PDIA6: variants seen among roughly 807,000 people sequenced by gnomAD.
PDIA6 encodes the protein protein disulfide isomerase family A member 6.
A neutral mutation model predicts 58.4 loss-of-function variants in PDIA6; 29 were observed. The ratio of observed to expected loss-of-function variants is 0.50; its 90% CI spans 0.37 to 0.68. PDIA6 has a LOEUF of 0.68. Ranked by LOEUF, PDIA6 falls within the 30% of genes least tolerant of loss-of-function variation. The probability of loss-of-function intolerance (pLI) is 0.00; values close to 1 mark genes in which losing one functional copy is unlikely to be tolerated. For missense variants in PDIA6, 480 were observed against 551.0 expected, an observed-to-expected ratio of 0.87 and a Z score of 1.29; for synonymous variants, 192 against 202.6, an observed-to-expected ratio of 0.95 and a Z score of 0.44.
chr2:10,830,745 C>T (rs1043984558), intron 1 of PDIA6, among the ~76,000 whole-genome samples: 10 of 152,214 alleles, frequency 6.6e-5, no homozygotes, highest in Non-Finnish European at 1.0e-4. Flanking sequence ...TCCAGGCCCT[C>T]GGGTCACCCC....
upstream of PDIA6, among the ~76,000 whole-genome samples, chr2:10,817,582 G>C (rs1667236501): frequency 6.6e-6 from 1 of 152,220 alleles, no homozygotes; most frequent in Non-Finnish European, 1.5e-5. Flanking sequence ...AGCTCCCCCG[G>C]TGGGCGCCCA....
chr2:10,785,470 A>G (rs890203362), intron 11 of PDIA6, among the ~76,000 whole-genome samples: 1 of 152,238 alleles, frequency 6.6e-6, no homozygotes, highest in Non-Finnish European at 1.5e-5. Flanking sequence ...GTGCATAAAC[A>G]TCAGTACTTG....
chr2:10,827,535 A>C (rs1418627313), intron 1 of PDIA6, among the ~76,000 whole-genome samples: 1 of 152,008 alleles, frequency 6.6e-6, no homozygotes, highest in Non-Finnish European at 1.5e-5. Context: ...TTCAGAAGAA[A>C]TATAAGGGCT....
At chr2:10,795,108 T>G (rs1666212132) in intron 4 of PDIA6, among the ~76,000 whole-genome samples, 2 of 152,198 alleles carry the variant, frequency 1.3e-5, no homozygotes, top group Admixed American at 1.3e-4. Context: ...TTCCGTCATC[T>G]GAACCACTGC....
chr2:10,820,146 G>C (rs1173478745), intron 1 of PDIA6, among the ~76,000 whole-genome samples: 1 of 152,218 alleles, frequency 6.6e-6, no homozygotes, highest in East Asian at 1.9e-4. Context: ...GTGGACCCAC[G>C]AAGAGTTAGG....
Position 10,809,645 on chromosome 2 carries a change from C to CAAAAAAAAA in PDIA6, c.19+3024_19+3032dup, listed in dbSNP as rs56308831. ...TGGGAGGCAGAGCAAGACCCGGTCT[C>CAAAAAAAAA]AAAAAAAAAAAAAAAAAAAAAAAAA... On this transcript the variant is annotated intron_variant, in intron 1 of 12. Coordinates refer to ENST00000272227, the MANE Select transcript of PDIA6 (RefSeq NM_005742.4). Among the ~76,000 whole-genome samples, 57 of 64,660 alleles carry CAAAAAAAAA rather than the reference C, an allele frequency of 8.8e-4. 1 individual carries two copies. The highest frequency in any genetic ancestry group is 1.8e-3 in the African/African-American group (35 of 19,316). The allele number at this position is 64,660 out of a possible 152,430, so 42.4% of individuals were successfully genotyped here. A position where few individuals can be genotyped will look rare whatever the true frequency, so the allele number is the denominator to read the frequency against.
rs532391148 is a variant in PDIA6 at position 10,787,577 on chromosome 2, T to A, written c.999-138A>T. 1.4e-5 allele frequency: 12 copies of A among 860,700 alleles called. No homozygotes were observed. The East Asian group carries it at 3.0e-4, about 21-fold the overall frequency. The allele number at this position is 860,700 out of a possible 1,614,324, so 53.3% of individuals were successfully genotyped here. ...AATAAAAACAAAAGATGAGTTTCTA[T>A]ATGGATTTTCCCTTTTTACCTGAAA... On this transcript the variant is annotated intron_variant, in intron 10 of 12. Coordinates refer to ENST00000272227, the MANE Select transcript of PDIA6 (RefSeq NM_005742.4).
At chr2:10,811,746 C>A (rs1291993333) in intron 1 of PDIA6, among the ~76,000 whole-genome samples, 2 of 152,204 alleles carry the variant, frequency 1.3e-5, no homozygotes, top group African/African-American at 4.8e-5. Context: ...CGGCCTCGCC[C>A]ACTAAGAAGC....
chr2:10,832,420 A>T, exon 1 of PDIA6: 1 of 985,276 alleles, frequency 1.0e-6, no homozygotes, highest in Middle Eastern at 5.2e-4. Context: ...ACCTGGTGGG[A>T]TTCTATTAAT....
upstream of PDIA6, chr2:10,837,401 C>A (rs1057273015): frequency 3.6e-4 from 220 of 611,058 alleles, 5 homozygotes; most frequent in South Asian, 4.3e-3. Flanking sequence ...GATTAAAAAA[C>A]ATACGTGAGG....
At chr2:10,828,865 A>G (rs13018915) in intron 1 of PDIA6, among the ~76,000 whole-genome samples, 91,045 of 152,054 alleles carry the variant, frequency 0.6, 27,907 homozygotes, top group East Asian at 0.8. Flanking sequence ...GGCACTCCGG[A>G]AGCCTGGGAT....
chr2:10,819,205 G>T, intron 2 of PDIA6: 1 of 885,438 alleles, frequency 1.1e-6, no homozygotes. Flanking sequence ...GTGGACACTT[G>T]GGTTGTTTTC....
chr2:10,802,429 T>C, intron 2 of PDIA6, 70 bp downstream of exon 2: 2 of 1,027,526 alleles, frequency 1.9e-6, no homozygotes, highest in Non-Finnish European at 2.6e-6. Flanking sequence ...TAAAATCAGA[T>C]TTTTATACAG....
At chr2:10,830,988 G>A (rs1247271553) in intron 1 of PDIA6, among the ~76,000 whole-genome samples, 5 of 152,134 alleles carry the variant, frequency 3.3e-5, no homozygotes, top group Non-Finnish European at 7.4e-5. Context: ...CTCCTGCACC[G>A]GCCCAGCCCC....
intron 1 of PDIA6, among the ~76,000 whole-genome samples, chr2:10,803,130 T>C (rs56140102): frequency 0.14 from 21,712 of 152,242 alleles, 1,987 homozygotes; most frequent in Non-Finnish European, 0.21. Flanking sequence ...TTCCACTAGA[T>C]TGTGACTCTT....
At chr2:10,809,599 T>C (rs796476078) in intron 1 of PDIA6, among the ~76,000 whole-genome samples, 10 of 122,420 alleles carry the variant, frequency 8.2e-5, no homozygotes, top group African/African-American at 3.1e-4. Context: ...CAGAGGCTGA[T>C]GTGGGAGGAT....
chr2:10,792,458 A>C, intron 5 of PDIA6, among the ~76,000 whole-genome samples: 1 of 152,206 alleles, frequency 6.6e-6, no homozygotes, highest in East Asian at 1.9e-4. Flanking sequence ...TTAAATGTCT[A>C]AGTTTAAAAT....
chr2:10,804,126 T>C (rs1258722125), intron 1 of PDIA6, among the ~76,000 whole-genome samples: 1 of 151,770 alleles, frequency 6.6e-6, no homozygotes, highest in Non-Finnish European at 1.5e-5. Flanking sequence ...GCCAGGATGG[T>C]CTCGATCTCC....
chr2:10,818,414 A>G (rs531029025), intron 2 of PDIA6, among the ~76,000 whole-genome samples: 62 of 151,808 alleles, frequency 4.1e-4, no homozygotes, highest in African/African-American at 1.4e-3. Flanking sequence ...TGATCTGCCC[A>G]CCTCAGCCTC....
Sources: gnomAD v4.1 joint callset for allele counts (sites outside exome capture counted in the v4.1 genomes callset) on GRCh38, gnomAD v4.1.1 for gene constraint, MANE v1.5 for transcripts, NCBI Gene and HGNC (gene_info 2026-07-23, HGNC 2026-07-21) for gene names.